NRF1: variants seen among roughly 807,000 people sequenced by gnomAD.
NRF1 encodes the protein alpha palindromic-binding protein.
NRF1 carries 5 observed loss-of-function variants against 58.5 expected under a neutral mutation model. The ratio of observed to expected loss-of-function variants is 0.09; its 90% confidence interval spans 0.04 to 0.18. The LOEUF is 0.18. Ranked by LOEUF, NRF1 falls within the 10% of genes least tolerant of loss-of-function variation. NRF1 has a pLI of 1.00. For missense variants in NRF1, 288 were observed against 657.7 expected (o/e 0.44, Z 6.15); for synonymous variants, 224 against 246.7 (o/e 0.91, Z 0.86).
At chr7:129,731,427 C>T (rs1803576850) in intron 10 of NRF1, among the ~76,000 whole-genome samples, 1 of 152,174 alleles carries the variant, frequency 6.6e-6, no homozygotes, top group Non-Finnish European at 1.5e-5. Flanking sequence ...ACTAAAGGAA[C>T]TACCCAAGCA....
intron 1 of NRF1, among the ~76,000 whole-genome samples, chr7:129,623,393 T>G (rs947163647): frequency 2.9e-5 from 4 of 138,414 alleles, no homozygotes; most frequent in African/African-American, 5.3e-5. Context: ...TTTTTTTTTT[T>G]GCATTATCTC....
chr7:129,687,262 G>T (rs1368597150), intron 4 of NRF1, among the ~76,000 whole-genome samples: 1 of 148,512 alleles, frequency 6.7e-6, no homozygotes, highest in African/African-American at 2.5e-5. Context: ...GCAGCAACAG[G>T]TTTGATGCAA....
intron 10 of NRF1, among the ~76,000 whole-genome samples, chr7:129,754,810 C>T (rs1804213337): frequency 6.6e-6 from 1 of 152,058 alleles, no homozygotes; most frequent in Admixed American, 6.5e-5. Flanking sequence ...TGAACAGTTA[C>T]TATATATCAA....
At chr7:129,710,670 A>T (rs1803052264) in intron 7 of NRF1, 99 bp downstream of exon 7, 1 of 718,726 alleles carries the variant, frequency 1.4e-6, no homozygotes, top group Admixed American at 2.0e-5. Flanking sequence ...GAACTCTTGT[A>T]TGAACTTTAT....
intron 6 of NRF1, among the ~76,000 whole-genome samples, chr7:129,709,729 C>CTTTTTTTT (rs71527924): frequency 2.3e-5 from 3 of 127,938 alleles, no homozygotes; most frequent in Admixed American, 7.8e-5. Context: ...TCTTTTCTTT[C>CTTTTTTTT]TTTTTTTTTT....
intron 5 of NRF1, among the ~76,000 whole-genome samples, chr7:129,702,773 T>A (rs2116165729): frequency 6.6e-6 from 1 of 152,298 alleles, no homozygotes; most frequent in Admixed American, 6.5e-5. Flanking sequence ...TCAACTGCCT[T>A]CTCTTTAAAT....
chr7:129,730,927 T>A (rs1485876278), intron 10 of NRF1, among the ~76,000 whole-genome samples: 1 of 150,378 alleles, frequency 6.6e-6, no homozygotes, highest in East Asian at 2.0e-4. Context: ...CAGTGAGCCA[T>A]GATCACACCA....
At chr7:129,747,478 T>G (rs17637863) in intron 10 of NRF1, among the ~76,000 whole-genome samples, 6,492 of 152,310 alleles carry the variant, frequency 0.043, 168 homozygotes, top group Middle Eastern at 0.12. Flanking sequence ...AGCTTTAGTC[T>G]AACATCTGTG....
intron 2 of NRF1, among the ~76,000 whole-genome samples, chr7:129,662,056 AC>A (rs879037526): frequency 1.3e-5 from 2 of 149,962 alleles, no homozygotes; most frequent in South Asian, 2.1e-4. Context: ...CTTTTTTTAA[AC>A]CCCCAGACCT....
chr7:129,691,931 G>A (rs144036797), intron 5 of NRF1, among the ~76,000 whole-genome samples: 14 of 151,984 alleles, frequency 9.2e-5, no homozygotes, highest in Admixed American at 2.6e-4. Flanking sequence ...GTCCTCACAC[G>A]CCCCAAACAG....
chr7:129,646,670 T>C (rs1395538014), intron 1 of NRF1, among the ~76,000 whole-genome samples: 1 of 152,168 alleles, frequency 6.6e-6, no homozygotes, highest in Non-Finnish European at 1.5e-5. Context: ...GCTGATATTA[T>C]AACAATGAAA....
chr7:129,707,493 AT>A (rs1195462540), intron 5 of NRF1, among the ~76,000 whole-genome samples: 2 of 152,222 alleles, frequency 1.3e-5, no homozygotes, highest in African/African-American at 2.4e-5. Context: ...GAAGTATAAA[AT>A]ATTGTGTGTG....
chr7:129,620,030 T>C (rs1009080413), intron 1 of NRF1, among the ~76,000 whole-genome samples: 2 of 152,152 alleles, frequency 1.3e-5, no homozygotes, highest in African/African-American at 4.8e-5. Context: ...TCAAGGGGGC[T>C]GTTGACACAC....
At chr7:129,631,212 A>C (rs1031896821) in intron 1 of NRF1, among the ~76,000 whole-genome samples, 4 of 147,586 alleles carry the variant, frequency 2.7e-5, no homozygotes, top group African/African-American at 1.0e-4. Context: ...AATATTTCTG[A>C]ATCTTTCTAA....
chr7:129,687,484 C>T (rs1277652315), intron 4 of NRF1, among the ~76,000 whole-genome samples: 9 of 152,144 alleles, frequency 5.9e-5, no homozygotes, highest in Non-Finnish European at 8.8e-5. Flanking sequence ...CCATGTTGGT[C>T]AGGCTGGTCT....
At position 129,633,296 on chromosome 7, in the gene NRF1, A is replaced by T. The variant is rs555332051; in HGVS notation, c.-7+21472A>T. 31 of 152,268 alleles carry T rather than the reference A, an allele frequency of 2.0e-4. No individual in the cohort carries two copies. In the East Asian group the frequency reaches 5.8e-3, roughly 28 times the overall value. The allele number at this position is 152,268 out of a possible 1,614,324, so 9.4% of individuals were successfully genotyped here. A position where few individuals can be genotyped will look rare whatever the true frequency, so the allele number is the denominator to read the frequency against. On this transcript the variant is annotated intron_variant, in intron 1 of 10. Transcript: ENST00000393232. ...TTTGGTTTTAACCATTTTTTATGGGAAAAAGGAAAATAAAAAGCCTACAAG... is the reference window on the plus strand; with the variant it reads ...TTTGGTTTTAACCATTTTTTATGGGTAAAAGGAAAATAAAAAGCCTACAAG...
rs140094161 is a variant in NRF1 at position 129,616,598 on chromosome 7, T to TA, written c.-7+4782dup. 4.5e-3 allele frequency among the ~76,000 whole-genome samples: 681 copies of TA among 152,106 alleles called. 5 individuals carry two copies. Among genetic ancestry groups the TA allele is most frequent in the African/African-American group, 0.015 (638 of 41,488 alleles). On this transcript the variant is annotated intron_variant, in intron 1 of 10. Coordinates refer to ENST00000393232, the MANE Select transcript of NRF1 (RefSeq NM_005011.5). ...TGGGCGACAGTGCGACCGTGTTTCT[T>TA]AAAAAAAACTAGTTGCTGTTAAGGT...
chr7:129,691,365 T>TTATTA (rs1554409670), intron 5 of NRF1, among the ~76,000 whole-genome samples: 14 of 19,202 alleles, frequency 7.3e-4, no homozygotes, highest in African/African-American at 1.8e-3. Context: ...ATTATTATTA[T>TTATTA]TTTTTTTTTT....
chr7:129,711,418 A>G (rs1158922902), intron 7 of NRF1, 57 bp from the exon 8 acceptor site: 1 of 1,302,454 alleles, frequency 7.7e-7, no homozygotes, highest in Non-Finnish European at 1.1e-6. Flanking sequence ...GCTTCTGAGT[A>G]AAGAGGTGGA....
Sources: allele counts gnomAD v4.1 joint callset (sites outside exome capture counted in the v4.1 genomes callset), GRCh38; gene constraint gnomAD v4.1.1; transcripts MANE v1.5; gene names NCBI Gene and HGNC (gene_info 2026-07-23, HGNC 2026-07-21).